Variants in SLC12A2 observed in about 807,000 individuals in gnomAD.
SLC12A2 encodes the protein solute carrier family 12 member 2.
Under a neutral mutation model 136.3 loss-of-function variants are expected in SLC12A2, and 67 were observed. The ratio of observed to expected loss-of-function variants is 0.49; its 90% CI spans 0.40 to 0.60. SLC12A2 has a LOEUF of 0.60. Ranked by LOEUF, SLC12A2 falls within the 20% of genes least tolerant of loss-of-function variation. The pLI is 0.00. For missense variants in SLC12A2, 1,322 were observed against 1,534.7 expected, an observed-to-expected ratio of 0.86 and a Z score of 2.32; for synonymous variants, 619 against 562.9, an observed-to-expected ratio of 1.10 and a Z score of -1.41.
chr5:128,178,538 T>C (rs1436481628), intron 21 of SLC12A2, 29 bp from the exon 22 acceptor site: 2 of 1,499,916 alleles, frequency 1.3e-6, no homozygotes, highest in Non-Finnish European at 1.8e-6. Flanking sequence ...TTACTTTGCT[T>C]ACATTTTATA....
intron 16 of SLC12A2, among the ~76,000 whole-genome samples, chr5:128,159,723 A>G (rs1762975010): frequency 6.6e-6 from 1 of 152,200 alleles, no homozygotes; most frequent in Non-Finnish European, 1.5e-5. Flanking sequence ...GGCAATCATT[A>G]AAAAGTCAGG....
intron 3 of SLC12A2, 99 bp from the exon 4 acceptor site, chr5:128,114,487 T>G: frequency 1.1e-6 from 1 of 887,558 alleles, no homozygotes; most frequent in South Asian, 1.6e-5. Flanking sequence ...ATTTATAACT[T>G]AAAATGTAGA....
At chr5:128,129,042 T>C (rs546768220) in intron 4 of SLC12A2, among the ~76,000 whole-genome samples, 2 of 152,084 alleles carry the variant, frequency 1.3e-5, no homozygotes, top group African/African-American at 4.8e-5. Flanking sequence ...TTTTATAAAA[T>C]CAAAACTTTA....
At chr5:128,127,279 G>A (rs1359812940) in intron 4 of SLC12A2, among the ~76,000 whole-genome samples, 3 of 151,198 alleles carry the variant, frequency 2.0e-5, no homozygotes, top group Non-Finnish European at 2.9e-5. Context: ...CCGCCACCAC[G>A]CCCAGCTAAT....
At chr5:128,172,964 A>G (rs1763424804) in intron 19 of SLC12A2, among the ~76,000 whole-genome samples, 1 of 137,314 alleles carries the variant, frequency 7.3e-6, no homozygotes, top group Non-Finnish European at 1.6e-5. Flanking sequence ...CAAAAAAAAC[A>G]AAAAACAAAA....
chr5:128,133,151 T>A (rs73337348), intron 5 of SLC12A2, among the ~76,000 whole-genome samples: 2,990 of 152,100 alleles, frequency 0.02, 123 homozygotes, highest in African/African-American at 0.069. Flanking sequence ...GATGTCGAAA[T>A]CAAATTTAAA....
At chr5:128,142,441 T>C (rs542569985) in intron 10 of SLC12A2, among the ~76,000 whole-genome samples, 3 of 152,188 alleles carry the variant, frequency 2.0e-5, no homozygotes, top group East Asian at 1.9e-4. Flanking sequence ...AAATATCTAA[T>C]TGGACAAACT....
At position 128,151,362 on chromosome 5, in the gene SLC12A2, T is replaced by C. The variant is rs1202860134; in HGVS notation, c.2229T>C (p.Leu743=). 6.2e-7 allele frequency: 1 copy of C among 1,610,794 alleles called. No homozygotes were observed. Among genetic ancestry groups the C allele is most frequent in the Non-Finnish European group, 8.5e-7 (1 of 1,179,014 alleles). Reference sequence around the variant, plus strand: ...CATTGCTAACATATGTGATAGTCCTTGGGCTGTATATTTATGTTACCTACA... The same window carrying C: ...CATTGCTAACATATGTGATAGTCCTCGGGCTGTATATTTATGTTACCTACA... ...WAALLTYVIV[L]GLYIYVTYKK... is the part of the protein sequence containing the mutation. The change falls in exon 14 of 27, where the codon CTT becomes CTC. Residue 743 remains leucine (L), a synonymous_variant. Transcript: ENST00000262461.
At chr5:128,087,200 A>G (rs1053603845) in intron 1 of SLC12A2, among the ~76,000 whole-genome samples, 2 of 152,174 alleles carry the variant, frequency 1.3e-5, no homozygotes, top group African/African-American at 2.4e-5. Context: ...ATCTTGCTAT[A>G]TTATATAGCC....
intron 1 of SLC12A2, among the ~76,000 whole-genome samples, chr5:128,089,767 C>CT (rs1292838437): frequency 1.3e-5 from 2 of 152,194 alleles, no homozygotes; most frequent in African/African-American, 2.4e-5. Flanking sequence ...TTAACAAGGA[C>CT]TTTAAGTAAA....
intron 20 of SLC12A2, 65 bp from the exon 21 acceptor site, chr5:128,177,040 A>G (rs2126753120): frequency 9.9e-7 from 1 of 1,007,292 alleles, no homozygotes; most frequent in Non-Finnish European, 1.4e-6. Context: ...CTCTGATTAC[A>G]TTTTTATTAT....
chr5:128,099,763 T>C (rs1175197718), intron 1 of SLC12A2, among the ~76,000 whole-genome samples: 4 of 152,136 alleles, frequency 2.6e-5, no homozygotes, highest in African/African-American at 9.7e-5. Flanking sequence ...CCTAAGCCTA[T>C]AAAGGTTCAA....
Position 128,083,795 on chromosome 5 carries a change from G to C in SLC12A2, c.-160G>C. On this transcript the variant is annotated 5_prime_UTR_variant, in exon 1 of 27. Coordinates refer to ENST00000262461, the MANE Select transcript of SLC12A2 (RefSeq NM_001046.3). Reference sequence around the variant, plus strand: ...TCGCGCGCTCGCTCGGCTGCCGGTGGCCTCTGTGGCCGTCCAGGCTAGCGG... The same window carrying C: ...TCGCGCGCTCGCTCGGCTGCCGGTGCCCTCTGTGGCCGTCCAGGCTAGCGG... The C allele has an allele frequency of 2.1e-6, 1 of 470,432 alleles. No individual in the cohort carries two copies. Among genetic ancestry groups the C allele is most frequent in the Non-Finnish European group, 3.3e-6 (1 of 300,306 alleles). The allele number at this position is 470,432 out of a possible 1,614,324, so 29.1% of individuals were successfully genotyped here.
At chr5:128,169,231 T>C (rs1200293430) in intron 18 of SLC12A2, 1 of 151,676 alleles carries the variant, frequency 6.6e-6, no homozygotes, top group Non-Finnish European at 1.5e-5. Flanking sequence ...AATTGTCCTT[T>C]AAAAAAAACT....
At position 128,186,887 on chromosome 5, in the gene SLC12A2, G is replaced by C. The variant is rs900686667; in HGVS notation, c.*256G>C. 6.7e-5 allele frequency: 22 copies of C among 330,628 alleles called. No homozygotes were observed. Among genetic ancestry groups the C allele is most frequent in the African/African-American group, 4.2e-4 (20 of 47,362 alleles). 20.5% of individuals were successfully genotyped at this position (330,628 alleles called of 1,614,324 possible). ...AAGTTTGTGAGAGTAGTTTTCCTTT[G>C]CTACTTGAATAGCAATAAAAGCGTG... On this transcript the variant is annotated 3_prime_UTR_variant, in exon 27 of 27. Transcript: ENST00000262461.
Position 128,084,330 on chromosome 5 carries a change from A to G in SLC12A2, c.376A>G (p.Ser126Gly), listed in dbSNP as rs757696233. 1.7e-5 allele frequency: 26 copies of G among 1,566,946 alleles called. No individual in the cohort carries two copies. Among genetic ancestry groups the G allele is most frequent in the Non-Finnish European group, 2.2e-5 (26 of 1,161,570 alleles). Residue 126 changes from serine to glycine, a missense_variant, in exon 1 of 27, where the codon AGC becomes GGC. Ser to Gly is a moderately conservative substitution (Grantham distance 56). This residue lies in a region of SLC12A2 where 358 missense variants were observed against 299.7 expected (regional missense o/e 1.19). Coordinates refer to ENST00000262461, the MANE Select transcript of SLC12A2 (RefSeq NM_001046.3). This position sits in a 1 kb window ranked among gnomAD's most constrained non-coding sequence, Gnocchi z 5.6. ...TPADGEASGE[S>G]EPAKGSEEAK... ...CGCGGACGGGGAAGCCAGCGGCGAG[A>G]GCGAGCCGGCTAAAGGCAGCGAGGA...
intron 16 of SLC12A2, among the ~76,000 whole-genome samples, chr5:128,158,503 G>A (rs1762934754): frequency 6.6e-6 from 1 of 152,070 alleles, no homozygotes; most frequent in Admixed American, 6.6e-5. Context: ...GCTTCTAGCT[G>A]CAGCCATGTT....
chr5:128,170,243 GATTT>G (rs1480905785), intron 18 of SLC12A2: 1 of 152,020 alleles, frequency 6.6e-6, no homozygotes, highest in African/African-American at 2.4e-5. Flanking sequence ...TGATTTAGTC[GATTT>G]ATTAAACAAT....
intron 22 of SLC12A2, 58 bp downstream of exon 22, chr5:128,178,747 A>G (rs1195758368): frequency 1.5e-6 from 2 of 1,329,660 alleles, no homozygotes; most frequent in Non-Finnish European, 2.0e-6. Context: ...TGAGAATAGT[A>G]AGAAATGACA....
Sources: gnomAD v4.1 joint callset for allele counts (sites outside exome capture counted in the v4.1 genomes callset) on GRCh38, gnomAD v4.1.1 for gene constraint, gnomAD v4.1.1 regional missense constraint, Gnocchi (gnomAD v3.1) non-coding constraint, MANE v1.5 for transcripts, NCBI Gene and HGNC (gene_info 2026-07-23, HGNC 2026-07-21) for gene names.